The following RGL1 variants were observed in gnomAD, a reference collection of about 807,000 sequenced individuals.
RGL1 encodes the protein ral guanine nucleotide dissociation stimulator-like 1.
RGL1 carries 24 observed loss-of-function variants against 95.2 expected under a neutral mutation model. That is an observed-to-expected ratio of 0.25 (90% CI 0.18 to 0.35). The LOEUF (loss-of-function observed/expected upper bound fraction) is 0.35, where lower values mean the gene tolerates loss of function less well. RGL1 is among the 10% of genes least tolerant of loss of function. The pLI is 1.00. For missense variants in RGL1, 715 were observed against 936.3 expected, an observed-to-expected ratio of 0.76 and a Z score of 3.08; for synonymous variants, 329 against 344.9, an observed-to-expected ratio of 0.95 and a Z score of 0.51.
chr1:183,917,969 T>G, intron 16 of RGL1, among the ~76,000 whole-genome samples: 1 of 152,226 alleles, frequency 6.6e-6, no homozygotes, highest in East Asian at 1.9e-4. Context: ...GGATAAGGGC[T>G]TGAATGACGG....
chr1:183,693,422 C>T (rs1422125066), intron 1 of RGL1, among the ~76,000 whole-genome samples: 2 of 151,980 alleles, frequency 1.3e-5, no homozygotes, highest in East Asian at 3.9e-4. Flanking sequence ...ATTTGGTCCC[C>T]TAGTTCTTCT....
chr1:183,799,276 G>A (rs933418865), intron 2 of RGL1, among the ~76,000 whole-genome samples: 1 of 152,182 alleles, frequency 6.6e-6, no homozygotes, highest in Non-Finnish European at 1.5e-5. Context: ...ATTAATATGG[G>A]AGCGCAGGTA....
intron 2 of RGL1, among the ~76,000 whole-genome samples, chr1:183,773,015 C>CAAAAAAAAAAAAAAAAAAAAA (rs60100787): frequency 2.8e-5 from 2 of 72,408 alleles, no homozygotes; most frequent in Non-Finnish European, 5.4e-5. Flanking sequence ...GACTCCGTCT[C>CAAAAAAAAAAAAAAAAAAAAA]AAAAAAAAAA....
chr1:183,865,772 G>A (rs1665790899), intron 3 of RGL1, among the ~76,000 whole-genome samples: 1 of 152,238 alleles, frequency 6.6e-6, no homozygotes, highest in African/African-American at 2.4e-5. Flanking sequence ...AAAGTTTTAA[G>A]TAGTGTGATT....
At chr1:183,919,771 C>T (rs1437445938) in intron 16 of RGL1, among the ~76,000 whole-genome samples, 1 of 152,172 alleles carries the variant, frequency 6.6e-6, no homozygotes, top group Admixed American at 6.5e-5. Flanking sequence ...ACAGGGAATG[C>T]AGTATTTCTG....
At chr1:183,862,045 G>A (rs558399820) in intron 3 of RGL1, among the ~76,000 whole-genome samples, 3 of 152,298 alleles carry the variant, frequency 2.0e-5, no homozygotes, top group South Asian at 4.1e-4. Flanking sequence ...TTAATGATAA[G>A]AAAGGTGCAG....
At position 183,710,159 on chromosome 1, in the gene RGL1, C is replaced by T. The variant is rs761027427; in HGVS notation, c.-32-31967C>T. On this transcript the variant is annotated intron_variant, in intron 1 of 18. Coordinates refer to the RGL1 transcript ENST00000304685. ...TTCTCAATGCCTGGCTTGTTGCTCA[C>T]GCTTCATGGCTCTCAGCAGGTGGTC... The T allele has an allele frequency of 4.2e-5, 9 of 212,336 alleles. 1 individual carries two copies. The highest frequency in any genetic ancestry group is 3.7e-4 in the South Asian group (5 of 13,690). 13.2% of individuals were successfully genotyped at this position (212,336 alleles called of 1,614,324 possible). A position where few individuals can be genotyped will look rare whatever the true frequency, so the allele number is the denominator to read the frequency against.
Position 183,840,723 on chromosome 1 carries a change from A to T in RGL1, c.139-6843A>T, listed in dbSNP as rs562598987. Among the ~76,000 whole-genome samples, 27 of 150,366 alleles carry T rather than the reference A, an allele frequency of 1.8e-4. No individual in the cohort carries two copies. The South Asian group carries it at 1.9e-3, about 11-fold the overall frequency. The stretch of plus-strand genomic sequence containing the variant: ...AAAAAATAAATAAATAAATAAATAA[A>T]TAATAAATAAATAAATAAATAAATT... On this transcript the variant is annotated intron_variant, in intron 2 of 17. Coordinates refer to ENST00000360851, the MANE Select transcript of RGL1 (RefSeq NM_001297671.3).
At chr1:183,853,915 G>A (rs1664980278) in intron 3 of RGL1, among the ~76,000 whole-genome samples, 1 of 152,068 alleles carries the variant, frequency 6.6e-6, no homozygotes, top group Non-Finnish European at 1.5e-5. Context: ...TTTCCCAAGG[G>A]CTCCTCCCTT....
At chr1:183,643,863 T>G (rs1189506708) in intron 1 of RGL1, among the ~76,000 whole-genome samples, 1 of 152,194 alleles carries the variant, frequency 6.6e-6, no homozygotes, top group South Asian at 2.1e-4. Context: ...AATAAAACAA[T>G]GTTCTATTGC....
chr1:183,791,279 A>G lies in RGL1; in HGVS notation c.133-15096A>G, dbSNP rs1257249697. ...ATTATCTGATTTTTAAAAAGACGTTATCTAATTGATATACAATCCACAGTT... is the reference window on the plus strand; with the variant it reads ...ATTATCTGATTTTTAAAAAGACGTTGTCTAATTGATATACAATCCACAGTT... On this transcript the variant is annotated intron_variant, in intron 2 of 18. Coordinates refer to the RGL1 transcript ENST00000304685. Among the ~76,000 whole-genome samples the G allele has an allele frequency of 2.6e-5, 4 of 152,238 alleles. No individual in the cohort carries two copies. The East Asian group carries it at 5.8e-4, about 22-fold the overall frequency.
chr1:183,822,352 A>AT (rs35236404), intron 2 of RGL1, among the ~76,000 whole-genome samples: 103,551 of 151,842 alleles, frequency 0.68, 37,136 homozygotes, highest in Middle Eastern at 0.82. Context: ...GCCACCAAAC[A>AT]TTTTTTTTCT....
At chr1:183,911,085 G>A (rs1399027327) in intron 14 of RGL1, among the ~76,000 whole-genome samples, 1 of 152,128 alleles carries the variant, frequency 6.6e-6, no homozygotes, top group Non-Finnish European at 1.5e-5. Context: ...TTTATCAGGG[G>A]ATTCTCTGAA....
At chr1:183,835,288 A>C (rs904477137) in intron 2 of RGL1, among the ~76,000 whole-genome samples, 1 of 152,130 alleles carries the variant, frequency 6.6e-6, no homozygotes, top group African/African-American at 2.4e-5. Flanking sequence ...GCTGTATCCC[A>C]TAATCAATCA....
intron 1 of RGL1, among the ~76,000 whole-genome samples, chr1:183,651,600 T>C (rs1002607715): frequency 6.6e-6 from 1 of 152,248 alleles, no homozygotes; most frequent in African/African-American, 2.4e-5. Flanking sequence ...TAGTGGCTAA[T>C]ATCCTGCAGT....
At chr1:183,702,657 T>C (rs1188675911) in intron 1 of RGL1, among the ~76,000 whole-genome samples, 5 of 152,060 alleles carry the variant, frequency 3.3e-5, no homozygotes, top group Non-Finnish European at 7.4e-5. Context: ...CTAGAGCTAG[T>C]AGATGGATTG....
At chr1:183,638,956 A>G (rs1649728368) in intron 1 of RGL1, among the ~76,000 whole-genome samples, 1 of 152,186 alleles carries the variant, frequency 6.6e-6, no homozygotes, top group Admixed American at 6.5e-5. Context: ...CTCTTCTCCA[A>G]ACTTGCCACT....
At chr1:183,712,723 G>A (rs903756660) in intron 1 of RGL1, among the ~76,000 whole-genome samples, 4 of 152,168 alleles carry the variant, frequency 2.6e-5, no homozygotes, top group African/African-American at 9.7e-5. Context: ...TGATAGCAAG[G>A]GCAGTCGAGA....
In RGL1 at chr1:183,926,218, C is replaced by T. The variant is rs561043926; in HGVS notation, c.2233C>T (p.Arg745Trp). 6.2e-6 allele frequency: 10 copies of T among 1,613,804 alleles called. No individual in the cohort carries two copies. Among genetic ancestry groups the T allele is most frequent in the African/African-American group, 1.3e-5 (1 of 74,902 alleles). The change falls in exon 18 of 18, where the codon CGG (arginine) becomes TGG (tryptophan). Residue 745 changes from arginine to tryptophan, a missense_variant. Arg to Trp is a moderately radical substitution (Grantham distance 101). Coordinates refer to ENST00000360851, the MANE Select transcript of RGL1 (RefSeq NM_001297671.3). ...GGAAGAACAAGTGAAACTGCGTAGC[C>T]GGACCAGCTTGACGTTGCCCAGGAC... ...SMEEQVKLRSRTSLTLPRTAK... is the reference protein window; with the variant it reads ...SMEEQVKLRSWTSLTLPRTAK...
Sources: allele counts gnomAD v4.1 joint callset (sites outside exome capture counted in the v4.1 genomes callset), GRCh38; gene constraint gnomAD v4.1.1; transcripts MANE v1.5; gene names NCBI Gene and HGNC (gene_info 2026-07-23, HGNC 2026-07-21).